PCDH7: variants seen among roughly 807,000 people sequenced by gnomAD.
PCDH7 encodes the protein protocadherin 7.
In PCDH7, 17 loss-of-function variants were observed where a neutral mutation model predicts 58.9. The observed-to-expected ratio is 0.29, with a 90% confidence interval of 0.20 to 0.43. PCDH7 has a LOEUF of 0.43. PCDH7 is among the 20% of genes least tolerant of loss of function. The pLI is 1.00. For synonymous variants in PCDH7, 664 were observed against 616.4 expected (o/e 1.08, Z -1.14); for missense variants, 1,274 against 1,441.0 (o/e 0.88, Z 1.88).
chr4:30,811,052 A>C (rs1726926935), intron 1 of PCDH7, among the ~76,000 whole-genome samples: 1 of 152,346 alleles, frequency 6.6e-6, no homozygotes, highest in African/African-American at 2.4e-5. Flanking sequence ...ACTATGCATC[A>C]TGGTTTACCA....
At chr4:30,948,030 G>A (rs66997044) in intron 2 of PCDH7, among the ~76,000 whole-genome samples, 22,796 of 151,682 alleles carry the variant, frequency 0.15, 1,842 homozygotes, top group East Asian at 0.17. Flanking sequence ...ATCCTTCTAT[G>A]TTGTTTTGGT....
chr4:31,097,046 G>C (rs1714096089), intron 3 of PCDH7, among the ~76,000 whole-genome samples: 2 of 151,986 alleles, frequency 1.3e-5, no homozygotes, highest in Admixed American at 1.3e-4. Flanking sequence ...TCACTATTAT[G>C]TAATTTTGTT....
At position 30,946,690 on chromosome 4, in the gene PCDH7, T is replaced by TG. The variant is rs1746724379; in HGVS notation, c.288-3430_288-3429insG. ...CTCAGTATTTAACGCCTTATCTCTT[T>TG]TGTGTGTGTGTGTGTGTGTGTGTGT... On this transcript the variant is annotated intron_variant, in intron 2 of 3. Coordinates refer to the PCDH7 transcript ENST00000509759. Among the ~76,000 whole-genome samples, 15 of 137,636 alleles carry TG rather than the reference T, an allele frequency of 1.1e-4. No homozygotes were observed. The Admixed American group carries it at 1.1e-3, about 10-fold the overall frequency. The allele number at this position is 137,636 out of a possible 152,430, so 90.3% of individuals were successfully genotyped here. A position where few individuals can be genotyped will look rare whatever the true frequency, so the allele number is the denominator to read the frequency against.
intron 3 of PCDH7, among the ~76,000 whole-genome samples, chr4:30,984,184 C>T (rs1319130550): frequency 6.6e-6 from 1 of 152,000 alleles, no homozygotes; most frequent in East Asian, 1.9e-4. Flanking sequence ...TAAAAGTGGG[C>T]CCAGAGGAGG....
intron 2 of PCDH7, among the ~76,000 whole-genome samples, chr4:30,943,513 C>A (rs541119920): frequency 3.3e-5 from 5 of 152,118 alleles, no homozygotes; most frequent in South Asian, 2.1e-4. Context: ...AAAACAAAAC[C>A]AAACCATGTT....
At chr4:30,750,058 C>A (rs1427203854) in intron 1 of PCDH7, among the ~76,000 whole-genome samples, 1 of 152,064 alleles carries the variant, frequency 6.6e-6, no homozygotes, top group Non-Finnish European at 1.5e-5. Context: ...TGTTGCTAAA[C>A]CTCCTATAAG....
intron 1 of PCDH7, among the ~76,000 whole-genome samples, chr4:30,759,583 G>T (rs937379017): frequency 7.9e-5 from 12 of 151,890 alleles, no homozygotes; most frequent in Admixed American, 2.0e-4. Flanking sequence ...GATGTCAGGG[G>T]TTTATCTTTG....
At chr4:30,755,525 A>G (rs928125053) in intron 1 of PCDH7, among the ~76,000 whole-genome samples, 1 of 152,158 alleles carries the variant, frequency 6.6e-6, no homozygotes, top group Admixed American at 6.5e-5. Flanking sequence ...AAATACTTCT[A>G]TAGCCACAAA....
intron 1 of PCDH7, among the ~76,000 whole-genome samples, chr4:30,725,696 G>A (rs999660030): frequency 4.6e-5 from 7 of 152,000 alleles, no homozygotes; most frequent in Non-Finnish European, 8.8e-5. Flanking sequence ...CCCATCTCAA[G>A]AAACACAGTT....
At chr4:30,815,802 C>T (rs1727597413) in intron 1 of PCDH7, among the ~76,000 whole-genome samples, 1 of 152,190 alleles carries the variant, frequency 6.6e-6, no homozygotes, top group Non-Finnish European at 1.5e-5. Flanking sequence ...ACCTGCGTTT[C>T]AGCTGGTGCC....
At chr4:30,766,555 T>C (rs947346685) in intron 1 of PCDH7, among the ~76,000 whole-genome samples, 1 of 152,092 alleles carries the variant, frequency 6.6e-6, no homozygotes, top group Non-Finnish European at 1.5e-5. Context: ...AACACAGATT[T>C]TTAAATCCAT....
At chr4:30,781,436 G>A (rs1385696917) in intron 1 of PCDH7, among the ~76,000 whole-genome samples, 6 of 151,782 alleles carry the variant, frequency 4.0e-5, no homozygotes, top group African/African-American at 7.3e-5. Flanking sequence ...CACCGCACCC[G>A]GCCCCAAGGC....
intron 1 of PCDH7, among the ~76,000 whole-genome samples, chr4:30,772,302 G>A (rs1419051403): frequency 6.6e-6 from 1 of 152,208 alleles, no homozygotes; most frequent in Non-Finnish European, 1.5e-5. Flanking sequence ...GAAATCAGCG[G>A]AAGACATTTT....
chr4:31,094,423 G>T lies in PCDH7; in HGVS notation c.*8-48050G>T, dbSNP rs187968046. Among the ~76,000 whole-genome samples the T allele has an allele frequency of 4.4e-4, 67 of 152,190 alleles. 2 individuals carry two copies. Among genetic ancestry groups the T allele is most frequent in the African/African-American group, 1.6e-3 (65 of 41,516 alleles). ...ACATCTTATAACAAATCCGTGAAAG[G>T]CTGCAAATGGACAAAGCATATCTTA... On this transcript the variant is annotated intron_variant, in intron 3 of 3. Transcript: ENST00000509759.
intron 3 of PCDH7, among the ~76,000 whole-genome samples, chr4:30,966,479 A>G (rs1749004169): frequency 6.6e-6 from 1 of 152,202 alleles, no homozygotes; most frequent in Non-Finnish European, 1.5e-5. Context: ...CCCAAATTAC[A>G]GAGTAATAGC....
At chr4:30,891,020 A>G (rs1242874093) in intron 1 of PCDH7, among the ~76,000 whole-genome samples, 1 of 152,092 alleles carries the variant, frequency 6.6e-6, no homozygotes, top group African/African-American at 2.4e-5. Context: ...TTGAAAAATG[A>G]AACTCTCATG....
intron 1 of PCDH7, among the ~76,000 whole-genome samples, chr4:30,809,032 T>C (rs1262277349): frequency 6.6e-6 from 1 of 152,224 alleles, no homozygotes; most frequent in African/African-American, 2.4e-5. Flanking sequence ...TTATGAAATA[T>C]TTGTATTTGT....
intron 3 of PCDH7, among the ~76,000 whole-genome samples, chr4:31,082,924 T>A (rs189357232): frequency 3.9e-5 from 6 of 152,090 alleles, no homozygotes; most frequent in Non-Finnish European, 7.4e-5. Context: ...CTGGCTAACA[T>A]GGTGAAACCC....
At chr4:30,943,483 T>G (rs1326525796) in intron 2 of PCDH7, among the ~76,000 whole-genome samples, 1 of 152,144 alleles carries the variant, frequency 6.6e-6, no homozygotes, top group Non-Finnish European at 1.5e-5. Context: ...AAATGCAGTT[T>G]GAACAAAATC....
Sources: gnomAD v4.1 joint callset for allele counts (sites outside exome capture counted in the v4.1 genomes callset) on GRCh38, gnomAD v4.1.1 for gene constraint, MANE v1.5 for transcripts, NCBI Gene and HGNC (gene_info 2026-07-23, HGNC 2026-07-21) for gene names.